The following MAPK10 variants were observed in gnomAD, a reference collection of about 807,000 sequenced individuals.
MAPK10 encodes the protein mitogen-activated protein kinase 10.
MAPK10 carries 25 observed loss-of-function variants against 59.3 expected under a neutral mutation model. The observed-to-expected ratio is 0.42, with a 90% confidence interval of 0.31 to 0.59. MAPK10 has a LOEUF of 0.59. Ranked by LOEUF, MAPK10 falls within the 20% of genes least tolerant of loss-of-function variation. The pLI, the probability that MAPK10 is intolerant of heterozygous loss-of-function variation, is 0.15. For missense variants in MAPK10, 351 were observed against 568.9 expected (o/e 0.62, Z 3.90); for synonymous variants, 190 against 200.5 (o/e 0.95, Z 0.44).
intron 1 of MAPK10, among the ~76,000 whole-genome samples, chr4:86,582,580 T>C (rs1006136546): frequency 6.6e-6 from 1 of 152,204 alleles, no homozygotes; most frequent in African/African-American, 2.4e-5. Context: ...CTTGGCTTAA[T>C]CTATAACTAG....
At chr4:86,519,642 T>C (rs1257430316) in intron 1 of MAPK10, among the ~76,000 whole-genome samples, 1 of 152,208 alleles carries the variant, frequency 6.6e-6, no homozygotes, top group Non-Finnish European at 1.5e-5. Context: ...GGTAATGTTC[T>C]ATTCATCATG....
intron 4 of MAPK10, among the ~76,000 whole-genome samples, chr4:86,107,929 C>T (rs2056821841): frequency 6.6e-6 from 1 of 151,998 alleles, no homozygotes. Flanking sequence ...AACTCCTGAG[C>T]TCAAGGTATC....
At chr4:86,353,877 T>G (rs1732994958) in intron 2 of MAPK10, among the ~76,000 whole-genome samples, 1 of 152,184 alleles carries the variant, frequency 6.6e-6, no homozygotes, top group Non-Finnish European at 1.5e-5. Context: ...GATTATTGAC[T>G]TTGGTGACTA....
intron 13 of MAPK10, chr4:86,027,328 C>G (rs1750839895): frequency 6.6e-6 from 1 of 152,160 alleles, no homozygotes; most frequent in Admixed American, 6.5e-5. Context: ...GCTTAGCCTT[C>G]TCACTCAGGT....
Position 86,101,222 on chromosome 4 carries a change from C to G in MAPK10, c.565-5G>C. On this transcript the variant is annotated splice_region_variant and splice_polypyrimidine_tract_variant and intron_variant, in intron 7 of 13. Transcript: ENST00000641462. ...AATGTTACTTGGTTTTAAATCCTAACAGTAAGGATAAGGGAAAAAATTAAA... is the reference window on the plus strand; with the variant it reads ...AATGTTACTTGGTTTTAAATCCTAAGAGTAAGGATAAGGGAAAAAATTAAA... 1.9e-6 allele frequency: 3 copies of G among 1,611,934 alleles called. No homozygotes were observed. Among genetic ancestry groups the G allele is most frequent in the Non-Finnish European group, 2.5e-6 (3 of 1,178,470 alleles).
chr4:86,489,878 C>T (rs892251124), intron 1 of MAPK10, among the ~76,000 whole-genome samples: 1 of 152,182 alleles, frequency 6.6e-6, no homozygotes, highest in Admixed American at 6.5e-5. Flanking sequence ...CCAACTCATT[C>T]TCTGAACACT....
chr4:86,208,131 T>G (rs886072325), intron 2 of MAPK10, among the ~76,000 whole-genome samples: 3 of 152,082 alleles, frequency 2.0e-5, no homozygotes, highest in African/African-American at 7.2e-5. Context: ...CAGGACCAGA[T>G]GTATTCACAG....
intron 4 of MAPK10, among the ~76,000 whole-genome samples, chr4:86,118,772 T>G (rs1325628325): frequency 6.6e-6 from 1 of 152,224 alleles, no homozygotes; most frequent in Non-Finnish European, 1.5e-5. Context: ...TTTAAAATGT[T>G]TGTAATCATA....
chr4:86,229,659 G>A (rs2091240238), intron 2 of MAPK10, among the ~76,000 whole-genome samples: 1 of 151,866 alleles, frequency 6.6e-6, no homozygotes, highest in Non-Finnish European at 1.5e-5. Flanking sequence ...TTGAAAATGT[G>A]AAATATATAG....
chr4:86,170,540 T>C (rs1241136644), intron 3 of MAPK10, among the ~76,000 whole-genome samples: 4 of 152,040 alleles, frequency 2.6e-5, no homozygotes, highest in African/African-American at 7.3e-5. Flanking sequence ...TAAATATATA[T>C]GCACCCAATA....
intron 2 of MAPK10, among the ~76,000 whole-genome samples, chr4:86,216,065 C>T (rs2087472426): frequency 6.6e-6 from 1 of 151,904 alleles, no homozygotes. Context: ...ACAGCAGTAC[C>T]TTAAAAAATG....
At chr4:86,075,328 C>G (rs531570332) in intron 9 of MAPK10, among the ~76,000 whole-genome samples, 3,019 of 151,954 alleles carry the variant, frequency 0.02, 94 homozygotes, top group African/African-American at 0.069. Context: ...ACTTCTTTGC[C>G]TTTGGTTTGA....
chr4:86,257,348 T>A (rs1191078557), intron 2 of MAPK10, among the ~76,000 whole-genome samples: 2 of 152,224 alleles, frequency 1.3e-5, no homozygotes, highest in Non-Finnish European at 2.9e-5. Context: ...CTTAATTTGC[T>A]AATAAAAAGG....
chr4:86,210,931 AGAAGT>A (rs1268205273), intron 2 of MAPK10, among the ~76,000 whole-genome samples: 1 of 151,924 alleles, frequency 6.6e-6, no homozygotes, highest in Non-Finnish European at 1.5e-5. Flanking sequence ...GAAAAGTACA[AGAAGT>A]GAAGTGAAAA....
At chr4:86,532,361 GGAAAAGATAAA>G in intron 1 of MAPK10, among the ~76,000 whole-genome samples, 1 of 152,144 alleles carries the variant, frequency 6.6e-6, no homozygotes, top group Non-Finnish European at 1.5e-5. Context: ...TTGAGGCAAA[GGAAAAGATAAA>G]CATTTTCTAC....
intron 1 of MAPK10, among the ~76,000 whole-genome samples, chr4:86,484,647 C>A (rs1334125856): frequency 2.0e-5 from 3 of 152,202 alleles, no homozygotes. Flanking sequence ...CATTATGATG[C>A]TAGACCAGGC....
chr4:86,507,122 A>C (rs1420500152), intron 1 of MAPK10, among the ~76,000 whole-genome samples: 2 of 152,124 alleles, frequency 1.3e-5, no homozygotes, highest in Non-Finnish European at 2.9e-5. Flanking sequence ...TATCATACTG[A>C]ATATAAAAAA....
intron 2 of MAPK10, among the ~76,000 whole-genome samples, chr4:86,244,245 C>G (rs1191661653): frequency 6.6e-6 from 1 of 152,014 alleles, no homozygotes; most frequent in African/African-American, 2.4e-5. Context: ...TGTTTAGGCA[C>G]TTACGAAAAC....
intron 4 of MAPK10, among the ~76,000 whole-genome samples, chr4:86,132,165 G>T (rs928027706): frequency 6.6e-6 from 1 of 152,054 alleles, no homozygotes; most frequent in Admixed American, 6.6e-5. Flanking sequence ...GTTCATAAAG[G>T]TCTCGATGAG....
Sources: allele counts gnomAD v4.1 joint callset (sites outside exome capture counted in the v4.1 genomes callset), GRCh38; gene constraint gnomAD v4.1.1; transcripts MANE v1.5; gene names NCBI Gene and HGNC (gene_info 2026-07-23, HGNC 2026-07-21).